The following STK32A variants were observed in gnomAD, a reference collection of about 807,000 sequenced individuals.
The protein encoded by STK32A is serine/threonine-protein kinase 32A.
STK32A carries 41 observed loss-of-function variants against 53.2 expected under a neutral mutation model. The observed-to-expected ratio is 0.77, with a 90% CI of 0.60 to 1.00. STK32A has a LOEUF of 1.00. Ranked by LOEUF, STK32A falls within the 50% of genes least tolerant of loss-of-function variation. The pLI, the probability that STK32A is intolerant of heterozygous loss-of-function variation, is 0.00. For synonymous variants in STK32A, 166 were observed against 162.8 expected, an observed-to-expected ratio of 1.02 and a Z score of -0.15; for missense variants, 458 against 485.8, an observed-to-expected ratio of 0.94 and a Z score of 0.54.
At chr5:147,315,155 AAC>A (rs1292294358) in intron 4 of STK32A, among the ~76,000 whole-genome samples, 7 of 152,196 alleles carry the variant, frequency 4.6e-5, no homozygotes, top group Admixed American at 4.6e-4. Context: ...CACTGAAGAA[AAC>A]AGTTGGACAG....
intron 4 of STK32A, among the ~76,000 whole-genome samples, chr5:147,297,611 A>G (rs79220773): frequency 7.2e-5 from 11 of 152,158 alleles, no homozygotes; most frequent in Admixed American, 2.0e-4. Flanking sequence ...CTGCATGTTA[A>G]TATTTCAAAG....
At chr5:147,370,462 T>C (rs1366350328) in intron 8 of STK32A, among the ~76,000 whole-genome samples, 192 bp from the exon 9 acceptor site, 2 of 152,126 alleles carry the variant, frequency 1.3e-5, no homozygotes, top group African/African-American at 4.8e-5. Flanking sequence ...TCCTAGTGTC[T>C]CTTTAAGAAA....
intron 6 of STK32A, among the ~76,000 whole-genome samples, chr5:147,350,341 GTAA>G (rs1466144022): frequency 6.6e-6 from 1 of 151,442 alleles, no homozygotes; most frequent in Non-Finnish European, 1.5e-5. Context: ...CAGTTTTGTA[GTAA>G]TAATATTTGC....
intron 4 of STK32A, among the ~76,000 whole-genome samples, chr5:147,304,159 T>C (rs372568706): frequency 1.3e-5 from 2 of 152,178 alleles, no homozygotes; most frequent in South Asian, 2.1e-4. Flanking sequence ...TGGGCGGACA[T>C]GAGTCAGCTC....
At chr5:147,366,347 T>C (rs1295100816) in intron 8 of STK32A, among the ~76,000 whole-genome samples, 2 of 152,224 alleles carry the variant, frequency 1.3e-5, no homozygotes, top group Non-Finnish European at 2.9e-5. Flanking sequence ...AATCACTAAA[T>C]GAAGTTTTAA....
chr5:147,254,909 G>T (rs1754158744), intron 2 of STK32A, among the ~76,000 whole-genome samples: 1 of 152,168 alleles, frequency 6.6e-6, no homozygotes, highest in Non-Finnish European at 1.5e-5. Flanking sequence ...GGAGGCAGAG[G>T]TGGGCGGATC....
chr5:147,390,414 G>A (rs1757767549), downstream of STK32A, among the ~76,000 whole-genome samples: 1 of 148,842 alleles, frequency 6.7e-6, no homozygotes, highest in Non-Finnish European at 1.5e-5. Flanking sequence ...TCAAGTCTAG[G>A]CTATTAAAAA....
At chr5:147,250,990 C>T (rs1335206286) in intron 2 of STK32A, among the ~76,000 whole-genome samples, 1 of 150,676 alleles carries the variant, frequency 6.6e-6, no homozygotes, top group African/African-American at 2.4e-5. Flanking sequence ...TATAGACAAG[C>T]TTCAAGAAGT....
At chr5:147,380,036 G>A (rs896349274) in intron 11 of STK32A, among the ~76,000 whole-genome samples, 1 of 152,160 alleles carries the variant, frequency 6.6e-6, no homozygotes, top group African/African-American at 2.4e-5. Flanking sequence ...AAGGGTAATG[G>A]GGTCTGAAGT....
At chr5:147,334,061 C>T (rs925720765) in intron 5 of STK32A, among the ~76,000 whole-genome samples, 1 of 152,042 alleles carries the variant, frequency 6.6e-6, no homozygotes, top group African/African-American at 2.4e-5. Flanking sequence ...AGCCACACTG[C>T]GATTTTCCAG....
intron 7 of STK32A, among the ~76,000 whole-genome samples, chr5:147,351,795 C>T (rs927866082): frequency 6.6e-6 from 1 of 152,036 alleles, no homozygotes; most frequent in African/African-American, 2.4e-5. Flanking sequence ...TGCAGTGAGT[C>T]GAGATCGCGC....
downstream of STK32A, among the ~76,000 whole-genome samples, chr5:147,388,966 G>C (rs571662381): frequency 2.6e-5 from 4 of 152,288 alleles, no homozygotes; most frequent in East Asian, 1.9e-4. Context: ...TCCTGAGTTA[G>C]AGCCATAAAA....
chr5:147,380,716 CAAAT>C (rs1418403341), intron 11 of STK32A, among the ~76,000 whole-genome samples: 2 of 152,060 alleles, frequency 1.3e-5, no homozygotes, highest in Non-Finnish European at 2.9e-5. Flanking sequence ...AAGAAAGTCA[CAAAT>C]AAAGAAGGCT....
At chr5:147,401,921 G>T in the STK32A span, 2 of 438,716 alleles carry the variant, frequency 4.6e-6, no homozygotes, top group Non-Finnish European at 3.9e-6. Context: ...GTTGTTAGAT[G>T]CAGTGTTAAT....
chr5:147,391,732 A>G (rs1581165719), downstream of STK32A: 1 of 152,160 alleles, frequency 6.6e-6, no homozygotes, highest in East Asian at 1.9e-4. Flanking sequence ...AGGGATTTCT[A>G]TGCTTGGAGA....
At chr5:147,306,649 G>T (rs555354111) in intron 4 of STK32A, among the ~76,000 whole-genome samples, 1 of 151,760 alleles carries the variant, frequency 6.6e-6, no homozygotes, top group Non-Finnish European at 1.5e-5. Context: ...TAGCTTCCTA[G>T]CACTGGAATG....
At chr5:147,336,772 T>C (rs954117496) in intron 5 of STK32A, among the ~76,000 whole-genome samples, 1 of 152,206 alleles carries the variant, frequency 6.6e-6, no homozygotes, top group Non-Finnish European at 1.5e-5. Flanking sequence ...GGTCTGTTTT[T>C]TGAGACCAAT....
the STK32A span, chr5:147,399,363 G>T: frequency 1.6e-6 from 2 of 1,286,426 alleles, no homozygotes; most frequent in Non-Finnish European, 2.1e-6. Flanking sequence ...ACAAAAAGGA[G>T]CCACCTGAAA....
chr5:147,307,624 CAAA>C (rs34762967), intron 4 of STK32A, among the ~76,000 whole-genome samples: 36 of 75,278 alleles, frequency 4.8e-4, no homozygotes, highest in African/African-American at 1.3e-3. Context: ...GACGCTGTCT[CAAA>C]AAAAAAAAAA....
Sources: gnomAD v4.1 joint callset for allele counts (sites outside exome capture counted in the v4.1 genomes callset) on GRCh38, gnomAD v4.1.1 for gene constraint, MANE v1.5 for transcripts, NCBI Gene and HGNC (gene_info 2026-07-23, HGNC 2026-07-21) for gene names.